The following CALCOCO2 variants were observed in gnomAD, a reference collection of about 807,000 sequenced individuals.
The protein encoded by CALCOCO2 is calcium binding and coiled-coil domain 2, also known as calcium-binding and coiled-coil domain-containing protein 2.
A neutral mutation model predicts 62.5 loss-of-function variants in CALCOCO2; 42 were observed. The ratio of observed to expected loss-of-function variants is 0.67; its 90% confidence interval spans 0.53 to 0.87. The LOEUF (loss-of-function observed/expected upper bound fraction) is 0.87, where lower values mean the gene tolerates loss of function less well. Among genes scored for constraint, CALCOCO2 ranks in the 40% least tolerant of loss-of-function variants. The pLI, the probability that CALCOCO2 is intolerant of heterozygous loss-of-function variation, is 0.00. For synonymous variants in CALCOCO2, 167 were observed against 173.0 expected, an observed-to-expected ratio of 0.97 and a Z score of 0.27; for missense variants, 456 against 515.0, an observed-to-expected ratio of 0.89 and a Z score of 1.11.
chr17:48,841,594 C>G, intron 1 of CALCOCO2, 104 bp from the exon 2 acceptor site: 5 of 750,204 alleles, frequency 6.7e-6, no homozygotes, highest in Non-Finnish European at 9.9e-6. Flanking sequence ...TTTTGCTTTT[C>G]CTGACTTGCT....
At chr17:48,845,369 CACTGTGTG>C (rs1291534316) in intron 2 of CALCOCO2, among the ~76,000 whole-genome samples, 4 of 94,310 alleles carry the variant, frequency 4.2e-5, no homozygotes, top group African/African-American at 8.4e-5. Flanking sequence ...ATTAAATCCT[CACTGTGTG>C]TGTGTGTGTG....
intron 7 of CALCOCO2, 190 bp from the exon 8 acceptor site, chr17:48,852,316 A>T (rs1413007633): frequency 1.8e-6 from 1 of 550,622 alleles, no homozygotes; most frequent in African/African-American, 1.9e-5. Flanking sequence ...CAGATAGCAG[A>T]ACTGCTCTCA....
chr17:48,839,100 C>T (rs141282565), intron 1 of CALCOCO2, among the ~76,000 whole-genome samples: 16,243 of 151,220 alleles, frequency 0.11, 1,515 homozygotes, highest in African/African-American at 0.26. Context: ...CTCGGCCTCC[C>T]GGGTTCCTGC....
intron 7 of CALCOCO2, 187 bp downstream of exon 7, chr17:48,851,815 C>T (rs892923020): frequency 5.8e-6 from 3 of 514,580 alleles, no homozygotes; most frequent in Admixed American, 3.4e-5. Flanking sequence ...CCTACCCATG[C>T]CCCTGCTTTT....
In CALCOCO2 at chr17:48,862,993, C is replaced by T; in HGVS notation, c.1329C>T (p.Cys443=). The T allele has an allele frequency of 6.2e-7, 1 of 1,611,566 alleles. No homozygotes were observed. Among genetic ancestry groups the T allele is most frequent in the Non-Finnish European group, 8.5e-7 (1 of 1,177,630 alleles). The stretch of plus-strand genomic sequence containing the variant: ...AGATCTTTGAAGACCACGTGTTCTG[C>T]CACTCTCTCTGAGTATCCCAACCTC... ...EKQIFEDHVF[C]HSL The change falls in exon 13 of 13, where the codon TGC becomes TGT. Residue 443 remains cysteine, a synonymous_variant. Coordinates refer to ENST00000258947, the MANE Select transcript of CALCOCO2 (RefSeq NM_005831.5).
chr17:48,854,397 T>TATA lies in CALCOCO2; in HGVS notation c.912+1385_912+1386insATA, dbSNP rs1491128634. Among the ~76,000 whole-genome samples, 13 of 1,758 alleles carry TATA rather than the reference T, an allele frequency of 7.4e-3. 2 individuals are homozygous for TATA. The highest frequency in any genetic ancestry group is 0.083 in the South Asian group (2 of 24). 1.2% of individuals were successfully genotyped at this position (1,758 alleles called of 152,430 possible). ...TTTCTTTTATTTATATATATATATA[T>TATA]TTTTTTTTTTTTTTTTTTTTTTTTT... is the stretch of plus-strand genomic sequence containing the variant. On this transcript the variant is annotated intron_variant, in intron 9 of 12. Coordinates refer to ENST00000258947, the MANE Select transcript of CALCOCO2 (RefSeq NM_005831.5).
intron 4 of CALCOCO2, 115 bp downstream of exon 4, chr17:48,848,570 A>G (rs562433264): frequency 7.4e-5 from 69 of 932,178 alleles, no homozygotes; most frequent in Middle Eastern, 2.2e-4. Context: ...TCATTGGAAA[A>G]AATGTATGTA....
chr17:48,851,162 A>C lies in CALCOCO2; in HGVS notation c.617A>C (p.Glu206Ala), dbSNP rs997752012. ...GTGAAAGAACAGAAGGACTATTGGGAGACAGAGCTGCTTCAGTGAGTGCAT... is the reference window on the plus strand; with the variant it reads ...GTGAAAGAACAGAAGGACTATTGGGCGACAGAGCTGCTTCAGTGAGTGCAT... Reference protein sequence around the residue: ...LKVKEQKDYWETELLQLKEQN... With the variant: ...LKVKEQKDYWATELLQLKEQN... Residue 206 changes from glutamate (E) to alanine (A), a missense_variant, in exon 6 of 13, where the codon GAG (glutamate) becomes GCG (alanine). By Grantham distance (107) the Glu-to-Ala change is moderately radical. Transcript: ENST00000258947. 11 of 1,603,466 alleles carry C rather than the reference A, an allele frequency of 6.9e-6. No individual in the cohort carries two copies. Among genetic ancestry groups the C allele is most frequent in the African/African-American group, 1.3e-5 (1 of 74,684 alleles).
Position 48,848,165 on chromosome 17 carries a change from A to G in CALCOCO2, c.282A>G (p.Lys94=), listed in dbSNP as rs1364558194. The change falls in exon 3 of 13, where the codon AAA becomes AAG. Residue 94 remains lysine, a splice_region_variant and synonymous_variant. Transcript: ENST00000258947. The stretch of plus-strand genomic sequence containing the variant: ...CTAAACAGCAGGAAGTCCAATTCAA[A>G]GGTGAGAAAAATACTGGATCAAAGG... ...KSAKQQEVQF[K]AYYLPKDDEY... is the part of the protein sequence containing the mutation. The G allele has an allele frequency of 2.7e-5, 43 of 1,604,148 alleles. No individual in the cohort carries two copies. The highest frequency in any genetic ancestry group is 3.2e-5 in the Non-Finnish European group (37 of 1,171,062).
intron 2 of CALCOCO2, chr17:48,842,659 T>TTC (rs1373877819): frequency 4.0e-5 from 6 of 151,820 alleles, no homozygotes; most frequent in African/African-American, 1.2e-4. Flanking sequence ...TTTTTTTTTT[T>TTC]CTTTGAGACG....
At chr17:48,850,714 C>T (rs1395823579) in intron 5 of CALCOCO2, among the ~76,000 whole-genome samples, 1 of 151,978 alleles carries the variant, frequency 6.6e-6, no homozygotes, top group Non-Finnish European at 1.5e-5. Flanking sequence ...AAATTATAAG[C>T]TCCAGTGGAA....
rs767420280 is a variant in CALCOCO2, at chr17:48,851,560, C to G, written c.634C>G (p.Leu212Val). The G allele has an allele frequency of 1.3e-6, 2 of 1,580,664 alleles. No homozygotes were observed. Among genetic ancestry groups the G allele is most frequent in the Non-Finnish European group, 1.7e-6 (2 of 1,149,458 alleles). ...ACATAGTTATCTCCACCTCTACAGA[C>G]TGAAAGAACAAAACCAGAAGATGTC... ...KDYWETELLQ[L>V]KEQNQKMSSE... The change falls in exon 7 of 13, where the codon CTG (leucine) becomes GTG (valine). Residue 212 changes from leucine to valine, a missense_variant and splice_region_variant. This residue lies in a region of CALCOCO2 where 236 missense variants were observed against 225.3 expected (regional missense o/e 1.05). Coordinates refer to ENST00000258947, the MANE Select transcript of CALCOCO2 (RefSeq NM_005831.5).
intron 1 of CALCOCO2, chr17:48,839,353 CT>C (rs71144529): frequency 0.25 from 32,128 of 129,396 alleles, 3,389 homozygotes; most frequent in Admixed American, 0.36. Context: ...AATGGTTTCT[CT>C]TTTTTTTTTT....
At chr17:48,832,292 G>A (rs935162590) in intron 1 of CALCOCO2, among the ~76,000 whole-genome samples, 38 of 152,226 alleles carry the variant, frequency 2.5e-4, no homozygotes, top group African/African-American at 8.2e-4. Flanking sequence ...TACTTGGGAG[G>A]CTGAGGCAGG....
At chr17:48,843,847 A>G (rs1345090057) in intron 2 of CALCOCO2, 1 of 152,198 alleles carries the variant, frequency 6.6e-6, no homozygotes, top group Non-Finnish European at 1.5e-5. Flanking sequence ...AGCACTTGAA[A>G]TGTGGTTAGT....
intron 12 of CALCOCO2, 134 bp from the exon 13 acceptor site, chr17:48,862,704 T>C: frequency 2.8e-6 from 2 of 703,300 alleles, no homozygotes; most frequent in Non-Finnish European, 4.9e-6. Flanking sequence ...TCTTCATTCA[T>C]TCACTATTTC....
intron 1 of CALCOCO2, among the ~76,000 whole-genome samples, chr17:48,840,246 C>T (rs2039958584): frequency 6.6e-6 from 1 of 152,144 alleles, no homozygotes; most frequent in South Asian, 2.1e-4. Flanking sequence ...CTTCCCATCT[C>T]AGCTTCCCGA....
At chr17:48,846,018 C>T (rs1288030891) in intron 2 of CALCOCO2, 13 of 1,323,514 alleles carry the variant, frequency 9.8e-6, no homozygotes, top group East Asian at 2.7e-5. Flanking sequence ...AAATGCTCTC[C>T]CCAGTGTTCT....
Position 48,848,387 on chromosome 17 carries a change from C to T in CALCOCO2, c.349C>T (p.Arg117Trp), listed in dbSNP as rs375727042. 60 of 1,613,026 alleles carry T rather than the reference C, an allele frequency of 3.7e-5. No homozygotes were observed. In the African/African-American group the frequency reaches 5.2e-4, roughly 14 times the overall value. The change falls in exon 4 of 13, where the codon CGG becomes TGG. Residue 117 changes from arginine to tryptophan, a missense_variant. By Grantham distance (101) the Arg-to-Trp change is moderately radical. This residue lies in a region of CALCOCO2 where 236 missense variants were observed against 225.3 expected (regional missense o/e 1.05). Coordinates refer to ENST00000258947, the MANE Select transcript of CALCOCO2 (RefSeq NM_005831.5). Reference protein sequence around the residue: ...FCYVDEDGVVRGASIPFQFRP... With the variant: ...FCYVDEDGVVWGASIPFQFRP... ...CTATGTGGATGAGGATGGTGTGGTC[C>T]GGGGAGCAAGTATTCCTTTCCAATT...
Sources: gnomAD v4.1 joint callset for allele counts (sites outside exome capture counted in the v4.1 genomes callset) on GRCh38, gnomAD v4.1.1 for gene constraint, gnomAD v4.1.1 regional missense constraint, MANE v1.5 for transcripts, NCBI Gene and HGNC (gene_info 2026-07-23, HGNC 2026-07-21) for gene names.